CDK14: variants seen among roughly 807,000 people sequenced by gnomAD.
The protein encoded by CDK14 is cyclin-dependent kinase 14.
CDK14 carries 34 observed loss-of-function variants against 60.7 expected under a neutral mutation model. That is an observed-to-expected ratio of 0.56 (90% CI 0.43 to 0.75). CDK14 has a LOEUF of 0.75. CDK14 is among the 30% of genes least tolerant of loss of function. The pLI is 0.00. For synonymous variants in CDK14, 197 were observed against 203.7 expected (o/e 0.97, Z 0.28); for missense variants, 482 against 564.1 (o/e 0.85, Z 1.47).
intron 12 of CDK14, among the ~76,000 whole-genome samples, chr7:91,093,065 G>C (rs533083384): frequency 5.3e-4 from 81 of 152,300 alleles, no homozygotes; most frequent in Admixed American, 2.4e-3. Context: ...CACCTGCCAT[G>C]TAAGACTTTG....
intron 4 of CDK14, among the ~76,000 whole-genome samples, chr7:90,760,400 T>C (rs1804266606): frequency 6.6e-6 from 1 of 152,214 alleles, no homozygotes; most frequent in African/African-American, 2.4e-5. Flanking sequence ...TGGAAAACAC[T>C]GGATTCCTGG....
intron 9 of CDK14, among the ~76,000 whole-genome samples, chr7:90,977,547 G>A (rs1027994162): frequency 5.9e-5 from 9 of 152,088 alleles, no homozygotes; most frequent in Non-Finnish European, 1.2e-4. Context: ...TTTAAGACTA[G>A]GAGATCAATT....
intron 2 of CDK14, among the ~76,000 whole-genome samples, chr7:90,698,372 A>G (rs1317009168): frequency 6.6e-6 from 1 of 152,182 alleles, no homozygotes; most frequent in Non-Finnish European, 1.5e-5. Context: ...ATGCTACTCC[A>G]CAAAGAGGGA....
intron 5 of CDK14, among the ~76,000 whole-genome samples, chr7:90,847,742 T>C (rs1254689489): frequency 6.6e-6 from 1 of 152,230 alleles, no homozygotes; most frequent in Admixed American, 6.5e-5. Context: ...AATGACAGTT[T>C]AGGTTATTTC....
chr7:90,757,099 T>A (rs760528697), intron 4 of CDK14, among the ~76,000 whole-genome samples: 1 of 152,088 alleles, frequency 6.6e-6, no homozygotes, highest in Non-Finnish European at 1.5e-5. Flanking sequence ...TTAGGGAGAA[T>A]CTGTTCCATG....
At chr7:91,080,920 CCCA>C (rs1798467905) in intron 12 of CDK14, among the ~76,000 whole-genome samples, 2 of 152,214 alleles carry the variant, frequency 1.3e-5, no homozygotes, top group South Asian at 4.1e-4. Context: ...TAAACTGAGT[CCCA>C]CCATTAGTCC....
chr7:90,999,734 C>T (rs1319197076), intron 10 of CDK14, among the ~76,000 whole-genome samples: 2 of 152,108 alleles, frequency 1.3e-5, no homozygotes, highest in African/African-American at 4.8e-5. Flanking sequence ...AGAGCTGTGT[C>T]AACATTACTT....
At chr7:90,639,026 A>T (rs987514552) in intron 2 of CDK14, among the ~76,000 whole-genome samples, 23 of 152,068 alleles carry the variant, frequency 1.5e-4, no homozygotes, top group Non-Finnish European at 7.4e-5. Flanking sequence ...CTAGTTATAC[A>T]TTCATCTAAA....
intron 2 of CDK14, among the ~76,000 whole-genome samples, chr7:90,685,996 A>G (rs1185158252): frequency 6.6e-6 from 1 of 152,096 alleles, no homozygotes; most frequent in Non-Finnish European, 1.5e-5. Context: ...GTATTGGTAC[A>G]TAAGAAAGCT....
chr7:90,721,996 C>T (rs553274809), intron 2 of CDK14, among the ~76,000 whole-genome samples: 5 of 152,148 alleles, frequency 3.3e-5, no homozygotes, highest in East Asian at 3.9e-4. Flanking sequence ...GTGTATACTG[C>T]GTCCTCCAGA....
chr7:91,029,728 C>G (rs1242886600), intron 10 of CDK14, among the ~76,000 whole-genome samples: 1 of 151,504 alleles, frequency 6.6e-6, no homozygotes, highest in African/African-American at 2.4e-5. Flanking sequence ...TGTAGCAGTG[C>G]TACTGATTTG....
intron 5 of CDK14, among the ~76,000 whole-genome samples, chr7:90,852,329 T>C (rs1790673840): frequency 6.6e-6 from 1 of 152,246 alleles, no homozygotes; most frequent in Non-Finnish European, 1.5e-5. Flanking sequence ...TTGCTATATG[T>C]AACTTTGCAT....
rs1792394204 is a variant in CDK14 at position 90,898,163 on chromosome 7, A to G, written c.640-1128A>G. ...GTGCCCTTGAACATCATCCAGCACTATTCTTAAAATACTACACAGCAGACT... is the reference window on the plus strand; with the variant it reads ...GTGCCCTTGAACATCATCCAGCACTGTTCTTAAAATACTACACAGCAGACT... On this transcript the variant is annotated intron_variant, in intron 6 of 14. Coordinates refer to ENST00000380050, the MANE Select transcript of CDK14 (RefSeq NM_001287135.2). Among the ~76,000 whole-genome samples the G allele has an allele frequency of 2.0e-5, 3 of 152,208 alleles. No individual in the cohort carries two copies. In the South Asian group the frequency reaches 6.2e-4, roughly 32 times the overall value.
intron 6 of CDK14, among the ~76,000 whole-genome samples, chr7:90,896,476 T>C (rs1299905638): frequency 2.0e-5 from 3 of 152,168 alleles, no homozygotes; most frequent in Non-Finnish European, 4.4e-5. Flanking sequence ...TGCCTTCTTA[T>C]TCCGAATTTT....
At chr7:90,911,147 G>C (rs938138909) in intron 7 of CDK14, among the ~76,000 whole-genome samples, 3 of 152,142 alleles carry the variant, frequency 2.0e-5, no homozygotes, top group African/African-American at 7.2e-5. Context: ...TGTTGTGAGG[G>C]TTAAATTATT....
At chr7:91,148,221 A>T (rs193270762) in intron 14 of CDK14, among the ~76,000 whole-genome samples, 5 of 152,058 alleles carry the variant, frequency 3.3e-5, no homozygotes. Flanking sequence ...CTACAAAAAA[A>T]TTTTAAAAAT....
At chr7:90,807,598 G>A (rs1226394432) in intron 5 of CDK14, among the ~76,000 whole-genome samples, 2 of 152,160 alleles carry the variant, frequency 1.3e-5, no homozygotes, top group Admixed American at 6.5e-5. Flanking sequence ...CACCAGCAAC[G>A]GAACAAAGCT....
intron 11 of CDK14, among the ~76,000 whole-genome samples, chr7:91,056,777 A>G (rs1314074899): frequency 1.3e-5 from 2 of 152,182 alleles, no homozygotes; most frequent in African/African-American, 2.4e-5. Flanking sequence ...CATGCTATAT[A>G]TGTGCCACAT....
At chr7:90,837,951 G>A (rs1273519699) in intron 5 of CDK14, among the ~76,000 whole-genome samples, 3 of 152,106 alleles carry the variant, frequency 2.0e-5, no homozygotes, top group African/African-American at 7.2e-5. Flanking sequence ...GAAAGGATGT[G>A]TTGTTTGGAA....
Sources: gnomAD v4.1 joint callset for allele counts (sites outside exome capture counted in the v4.1 genomes callset) on GRCh38, gnomAD v4.1.1 for gene constraint, MANE v1.5 for transcripts, NCBI Gene and HGNC (gene_info 2026-07-23, HGNC 2026-07-21) for gene names.